ENPP4: variants seen among roughly 807,000 people sequenced by gnomAD.
ENPP4 encodes ectonucleotide pyrophosphatase/phosphodiesterase 4.
Under a neutral mutation model 33.4 loss-of-function variants are expected in ENPP4, and 18 were observed. The ratio of observed to expected loss-of-function variants is 0.54; its 90% CI spans 0.37 to 0.80. ENPP4 has a LOEUF of 0.80. ENPP4 is among the 30% of genes least tolerant of loss of function. The pLI is 0.00. For missense variants in ENPP4, 480 were observed against 541.7 expected, an observed-to-expected ratio of 0.89 and a Z score of 1.13; for synonymous variants, 172 against 189.9, an observed-to-expected ratio of 0.91 and a Z score of 0.78.
chr6:46,141,226 A>G lies in ENPP4; in HGVS notation c.997+4A>G, dbSNP rs771336463. The G allele has an allele frequency of 8.1e-6, 13 of 1,603,102 alleles. No homozygotes were observed. Among genetic ancestry groups the G allele is most frequent in the Non-Finnish European group, 1.1e-5 (13 of 1,171,968 alleles). ...CTAAATGAATCATCACAAAAATGTAAGTATTTAGTTGAGATATTTCTGTTG... is the reference window on the plus strand; with the variant it reads ...CTAAATGAATCATCACAAAAATGTAGGTATTTAGTTGAGATATTTCTGTTG... On this transcript the variant is annotated splice_donor_region_variant and intron_variant, in intron 3 of 3. Transcript: ENST00000321037.
At chr6:46,141,853 G>T (rs1055025001) in intron 3 of ENPP4, among the ~76,000 whole-genome samples, 9 of 151,524 alleles carry the variant, frequency 5.9e-5, no homozygotes, top group Non-Finnish European at 3.0e-5. Context: ...TATGGTAGGG[G>T]TCAGCAAACT....
intron 3 of ENPP4, 128 bp from the exon 4 acceptor site, chr6:46,143,148 G>A (rs776489002): frequency 2.3e-6 from 2 of 877,240 alleles, no homozygotes; most frequent in Non-Finnish European, 3.5e-6. Flanking sequence ...ACATAGCTGA[G>A]TTGAAGAAAT....
chr6:46,136,805 G>T (rs529175265), intron 1 of ENPP4, among the ~76,000 whole-genome samples: 11 of 151,988 alleles, frequency 7.2e-5, no homozygotes, highest in Non-Finnish European at 1.6e-4. Context: ...CTGGACAAGA[G>T]GTATTGAGGA....
At position 46,145,844 on chromosome 6, in the gene ENPP4, G is replaced by T. The variant is rs185697606; in HGVS notation, c.*2204G>T. ...AAAGTATATGTTGATGGGACAAGAA[G>T]AATAGTATTTATTTAATAAAACATA... On this transcript the variant is annotated 3_prime_UTR_variant, in exon 4 of 4. Coordinates refer to ENST00000321037, the MANE Select transcript of ENPP4 (RefSeq NM_014936.5). 6.6e-6 allele frequency: 1 copy of T among 151,864 alleles called. No individual in the cohort carries two copies. Among genetic ancestry groups the T allele is most frequent in the Non-Finnish European group, 1.5e-5 (1 of 67,846 alleles). 9.4% of individuals were successfully genotyped at this position (151,864 alleles called of 1,614,324 possible). A position where few individuals can be genotyped will look rare whatever the true frequency, so the allele number is the denominator to read the frequency against.
intron 3 of ENPP4, 122 bp from the exon 4 acceptor site, chr6:46,143,154 G>T (rs1346481929): frequency 2.1e-6 from 2 of 953,890 alleles, no homozygotes; most frequent in African/African-American, 1.6e-5. Flanking sequence ...CTGAGTTGAA[G>T]AAATAGAAAT....
In ENPP4 at chr6:46,139,693, G is replaced by T. The variant is rs1371919614; in HGVS notation, c.110G>T (p.Arg37Ile). The T allele has an allele frequency of 6.2e-7, 1 of 1,611,070 alleles. No homozygotes were observed. The highest frequency in any genetic ancestry group is 1.3e-5 in the African/African-American group (1 of 74,754). The change falls in exon 2 of 4, where the codon AGA (arginine) becomes ATA (isoleucine). Residue 37 changes from arginine (R) to isoleucine (I), a missense_variant. Coordinates refer to ENST00000321037, the MANE Select transcript of ENPP4 (RefSeq NM_014936.5). ...KLLLVSFDGF[R>I]ADYLKNYEFP... ...CTACTAGTATCCTTTGATGGCTTCAGAGCTGATTATCTGAAGAACTATGAA... is the reference window on the plus strand; with the variant it reads ...CTACTAGTATCCTTTGATGGCTTCATAGCTGATTATCTGAAGAACTATGAA...
chr6:46,133,413 A>G (rs1287585748), intron 1 of ENPP4, among the ~76,000 whole-genome samples: 1 of 152,168 alleles, frequency 6.6e-6, no homozygotes, highest in Non-Finnish European at 1.5e-5. Flanking sequence ...TGAGAGTTTC[A>G]TTGTATTACA....
Position 46,143,703 on chromosome 6 carries a change from AAT to A in ENPP4, c.*65_*66del. Reference sequence around the variant, plus strand: ...CACAAAACTAAGAATACATCCAAAGAATAGTGTTGTAACTATGAAAAAGAATA... The same window carrying A: ...CACAAAACTAAGAATACATCCAAAGAAGTGTTGTAACTATGAAAAAGAATA... On this transcript the variant is annotated 3_prime_UTR_variant, in exon 4 of 4. Transcript: ENST00000321037. The A allele has an allele frequency of 7.0e-7, 1 of 1,436,350 alleles. No individual in the cohort carries two copies. The highest frequency in any genetic ancestry group is 1.4e-5 in the South Asian group (1 of 73,922). 89.0% of individuals were successfully genotyped at this position (1,436,350 alleles called of 1,614,324 possible).
chr6:46,132,226 G>A (rs1169919235), intron 1 of ENPP4, among the ~76,000 whole-genome samples: 1 of 152,028 alleles, frequency 6.6e-6, no homozygotes, highest in Non-Finnish European at 1.5e-5. Flanking sequence ...TGAAGTCCTT[G>A]CCCATGCCTA....
chr6:46,133,624 T>C (rs1763935122), intron 1 of ENPP4, among the ~76,000 whole-genome samples: 2 of 152,180 alleles, frequency 1.3e-5, no homozygotes, highest in African/African-American at 4.8e-5. Flanking sequence ...GTTGTAGGGA[T>C]ATTTGGTTGC....
At chr6:46,131,966 G>A (rs1763908257) in intron 1 of ENPP4, among the ~76,000 whole-genome samples, 2 of 151,986 alleles carry the variant, frequency 1.3e-5, no homozygotes, top group African/African-American at 4.8e-5. Context: ...CTTTTGAGAA[G>A]TGTCTGTTCA....
chr6:46,143,227 T>C, intron 3 of ENPP4, 49 bp from the exon 4 acceptor site: 3 of 1,504,932 alleles, frequency 2.0e-6, no homozygotes, highest in Non-Finnish European at 2.7e-6. Flanking sequence ...AGTTATTTTG[T>C]CCTAAAAAGT....
In ENPP4 at chr6:46,143,480, G is replaced by T; in HGVS notation, c.1202G>T (p.Cys401Phe). ...AAGTGCTTGTTAGTTGACCAGTGGT[G>T]CATTAATCTCCCAGAAGCCATCGCG... ...HTKCLLVDQW[C>F]INLPEAIAIV... The change falls in exon 4 of 4, where the codon TGC becomes TTC. Residue 401 changes from cysteine (C) to phenylalanine (F), a missense_variant. Around this residue, in one of 3 missense-constraint regions of ENPP4, gnomAD observed 249 missense variants for 251.8 expected, o/e 0.99. Coordinates refer to ENST00000321037, the MANE Select transcript of ENPP4 (RefSeq NM_014936.5). 6.2e-7 allele frequency: 1 copy of T among 1,612,802 alleles called. No homozygotes were observed. Among genetic ancestry groups the T allele is most frequent in the African/African-American group, 1.3e-5 (1 of 74,930 alleles).
In ENPP4 at chr6:46,139,955, G is replaced by T; in HGVS notation, c.372G>T (p.Gln124His). The part of the protein sequence containing the change: ...NEAVPIWVTN[Q>H]LQENRSSAAA... The stretch of plus-strand genomic sequence containing the variant: ...CAGTACCTATTTGGGTGACCAATCA[G>T]CTTCAGGAAAACAGATCAAGTGCTG... Residue 124 changes from glutamine to histidine, a missense_variant, in exon 2 of 4, where the codon CAG becomes CAT. Physicochemically the swap from Gln to His is conservative, Grantham distance 24. Coordinates refer to ENST00000321037, the MANE Select transcript of ENPP4 (RefSeq NM_014936.5). 1 of 1,612,844 alleles carries T rather than the reference G, an allele frequency of 6.2e-7. No homozygotes were observed. Among genetic ancestry groups the T allele is most frequent in the South Asian group, 1.1e-5 (1 of 91,060 alleles).
Position 46,145,107 on chromosome 6 carries a change from TATAAA to T in ENPP4, c.*1473_*1477del. ...AGTATGATCTTTAAAGTTTTGACAA[TATAAA>T]ATAAACTTGGTAACTGTTTTACAAA... is the stretch of plus-strand genomic sequence containing the variant. On this transcript the variant is annotated 3_prime_UTR_variant, in exon 4 of 4. Coordinates refer to ENST00000321037, the MANE Select transcript of ENPP4 (RefSeq NM_014936.5). 2.6e-6 allele frequency: 1 copy of T among 389,466 alleles called. No homozygotes were observed. The highest frequency in any genetic ancestry group is 4.5e-6 in the Non-Finnish European group (1 of 219,924). 24.1% of individuals were successfully genotyped at this position (389,466 alleles called of 1,614,324 possible).
At position 46,146,602 on chromosome 6, in the gene ENPP4, T is replaced by A. The variant is rs987301454; in HGVS notation, c.*2962T>A. Reference sequence around the variant, plus strand: ...AAATATTTTTGACTGTTACTTGAGTTCAGAATTAATGACTTTGTTCATGAT... The same window carrying A: ...AAATATTTTTGACTGTTACTTGAGTACAGAATTAATGACTTTGTTCATGAT... On this transcript the variant is annotated 3_prime_UTR_variant, in exon 4 of 4. Transcript: ENST00000321037. 6.6e-6 allele frequency: 1 copy of A among 152,220 alleles called. No individual in the cohort carries two copies. Among genetic ancestry groups the A allele is most frequent in the Non-Finnish European group, 1.5e-5 (1 of 67,868 alleles). 9.4% of individuals were successfully genotyped at this position (152,220 alleles called of 1,614,324 possible).
At chr6:46,134,847 C>T (rs1286681895) in intron 1 of ENPP4, among the ~76,000 whole-genome samples, 1 of 151,940 alleles carries the variant, frequency 6.6e-6, no homozygotes, top group Non-Finnish European at 1.5e-5. Flanking sequence ...ATTTATTACC[C>T]ATTTCCCCCC....
chr6:46,140,657 T>C (rs1273469101), intron 2 of ENPP4, among the ~76,000 whole-genome samples: 2 of 151,754 alleles, frequency 1.3e-5, no homozygotes, highest in African/African-American at 4.8e-5. Context: ...TTATTTGCAC[T>C]AGAAAAAGGA....
chr6:46,135,315 C>G (rs1763961125), intron 1 of ENPP4, among the ~76,000 whole-genome samples: 1 of 152,060 alleles, frequency 6.6e-6, no homozygotes, highest in African/African-American at 2.4e-5. Context: ...ATAAAGGTTT[C>G]AATTTCTCTA....
Sources: allele counts gnomAD v4.1 joint callset (sites outside exome capture counted in the v4.1 genomes callset), GRCh38; gene constraint gnomAD v4.1.1; regional missense constraint gnomAD v4.1.1; transcripts MANE v1.5; gene names NCBI Gene and HGNC (gene_info 2026-07-23, HGNC 2026-07-21).